POU6F2: variants seen among roughly 807,000 people sequenced by gnomAD.
POU6F2 encodes POU class 6 homeobox 2, also known as POU domain, class 6, transcription factor 2.
Under a neutral mutation model 71.3 loss-of-function variants are expected in POU6F2, and 31 were observed. The ratio of observed to expected loss-of-function variants is 0.43; its 90% CI spans 0.33 to 0.59. The LOEUF (loss-of-function observed/expected upper bound fraction) is 0.59. Ranked by LOEUF, POU6F2 falls within the 20% of genes least tolerant of loss-of-function variation. POU6F2 has a pLI of 0.04. For synonymous variants in POU6F2, 347 were observed against 355.7 expected, an observed-to-expected ratio of 0.98 and a Z score of 0.27; for missense variants, 783 against 856.8, an observed-to-expected ratio of 0.91 and a Z score of 1.07.
intron 4 of POU6F2, among the ~76,000 whole-genome samples, chr7:39,337,043 G>A (rs141615690): frequency 1.7e-3 from 253 of 152,236 alleles, no homozygotes; most frequent in African/African-American, 5.7e-3. Flanking sequence ...ATGTGGCTCC[G>A]TTTATGTGTA....
chr7:39,414,420 T>C (rs967872896), intron 6 of POU6F2, among the ~76,000 whole-genome samples: 4 of 152,076 alleles, frequency 2.6e-5, no homozygotes, highest in African/African-American at 9.7e-5. Flanking sequence ...CTGAAGGGGC[T>C]CTCCTGCAGT....
At chr7:39,009,613 G>C (rs1789202515) in intron 1 of POU6F2, among the ~76,000 whole-genome samples, 2 of 152,168 alleles carry the variant, frequency 1.3e-5, no homozygotes, top group Non-Finnish European at 2.9e-5. Context: ...TTTTCAAAGG[G>C]AATGCTTCCA....
At chr7:39,291,834 C>A (rs961448618) in intron 4 of POU6F2, among the ~76,000 whole-genome samples, 1 of 152,052 alleles carries the variant, frequency 6.6e-6, no homozygotes, top group African/African-American at 2.4e-5. Context: ...GACGAATGAG[C>A]GGAGTTTGAC....
intron 7 of POU6F2, among the ~76,000 whole-genome samples, chr7:39,434,246 G>A (rs900221499): frequency 1.3e-5 from 2 of 152,142 alleles, no homozygotes; most frequent in East Asian, 3.9e-4. Context: ...AGGATGGGGT[G>A]TTGAGAAACA....
At chr7:39,054,419 C>G (rs1790464934) in intron 1 of POU6F2, among the ~76,000 whole-genome samples, 1 of 152,058 alleles carries the variant, frequency 6.6e-6, no homozygotes, top group African/African-American at 2.4e-5. Context: ...CTCAAACCTC[C>G]CATACTAGGG....
intron 5 of POU6F2, among the ~76,000 whole-genome samples, chr7:39,380,796 A>G (rs1449214115): frequency 6.6e-6 from 1 of 152,094 alleles, no homozygotes; most frequent in East Asian, 1.9e-4. Context: ...ATATTTAGTA[A>G]TGACTTCGCT....
At chr7:39,044,811 A>G (rs1261196745) in intron 1 of POU6F2, among the ~76,000 whole-genome samples, 2 of 151,902 alleles carry the variant, frequency 1.3e-5, no homozygotes, top group African/African-American at 4.8e-5. Context: ...ATTTTTCCAT[A>G]TGATGTTTTA....
chr7:39,462,912 A>G (rs1458825450), intron 9 of POU6F2, among the ~76,000 whole-genome samples: 1 of 152,236 alleles, frequency 6.6e-6, no homozygotes, highest in African/African-American at 2.4e-5. Context: ...CAAAAATAAG[A>G]TTGTGGCACA....
intron 6 of POU6F2, among the ~76,000 whole-genome samples, chr7:39,428,991 C>T (rs1201024969): frequency 6.7e-6 from 1 of 149,316 alleles, no homozygotes; most frequent in African/African-American, 2.5e-5. Context: ...GGAGGGATAG[C>T]ATTAGGAGAT....
intron 1 of POU6F2, among the ~76,000 whole-genome samples, chr7:39,002,778 G>A (rs1371026042): frequency 1.3e-5 from 2 of 152,228 alleles, no homozygotes; most frequent in African/African-American, 2.4e-5. Context: ...CCCCTCCGGG[G>A]AATTTTTGAA....
At chr7:39,230,000 A>G (rs373684475) in intron 4 of POU6F2, among the ~76,000 whole-genome samples, 2 of 152,278 alleles carry the variant, frequency 1.3e-5, no homozygotes, top group South Asian at 4.1e-4. Context: ...GTGGTAGTCA[A>G]CCAAGGCACA....
chr7:39,297,196 T>TACAC (rs61192418), intron 4 of POU6F2, among the ~76,000 whole-genome samples: 15,328 of 138,938 alleles, frequency 0.11, 870 homozygotes, highest in East Asian at 0.16. Context: ...CACATACACA[T>TACAC]ACACACACAC....
chr7:39,286,323 G>A (rs1342277298), intron 4 of POU6F2, among the ~76,000 whole-genome samples: 1 of 152,106 alleles, frequency 6.6e-6, no homozygotes, highest in Non-Finnish European at 1.5e-5. Context: ...TTTACAAGGA[G>A]GAAACATCCT....
chr7:39,251,889 C>T (rs1320362293), intron 4 of POU6F2, among the ~76,000 whole-genome samples: 1 of 152,100 alleles, frequency 6.6e-6, no homozygotes, highest in Admixed American at 6.6e-5. Context: ...CCTTACAATC[C>T]CTACCCTGAA....
At chr7:39,382,043 A>AAATAATAATAATAATAATAATAAT (rs3839694) in intron 5 of POU6F2, among the ~76,000 whole-genome samples, 1 of 150,306 alleles carries the variant, frequency 6.7e-6, no homozygotes, top group Non-Finnish European at 1.5e-5. Context: ...ACACACAAGC[A>AAATAATAATAATAATAATAATAAT]AATAATAATA....
chr7:39,454,192 A>G (rs1296052138), intron 8 of POU6F2, among the ~76,000 whole-genome samples: 1 of 152,166 alleles, frequency 6.6e-6, no homozygotes, highest in Non-Finnish European at 1.5e-5. Flanking sequence ...AAGGTCTGGA[A>G]GGATTCCAAA....
intron 1 of POU6F2, among the ~76,000 whole-genome samples, chr7:39,059,274 G>A (rs1584521825): frequency 1.3e-5 from 2 of 152,128 alleles, no homozygotes. Context: ...AAGTAATGTT[G>A]AGATCTTTTA....
At chr7:39,018,100 T>C (rs1789602438) in intron 1 of POU6F2, among the ~76,000 whole-genome samples, 1 of 152,148 alleles carries the variant, frequency 6.6e-6, no homozygotes, top group African/African-American at 2.4e-5. Context: ...ATATAGAATT[T>C]GTCTGAACTC....
intron 5 of POU6F2, among the ~76,000 whole-genome samples, chr7:39,403,191 CA>C (rs1787343904): frequency 6.6e-6 from 1 of 152,110 alleles, no homozygotes; most frequent in Non-Finnish European, 1.5e-5. Context: ...AAAACTACTT[CA>C]AAAAATTATT....
Sources: gnomAD v4.1 joint callset for allele counts (sites outside exome capture counted in the v4.1 genomes callset) on GRCh38, gnomAD v4.1.1 for gene constraint, MANE v1.5 for transcripts, NCBI Gene and HGNC (gene_info 2026-07-23, HGNC 2026-07-21) for gene names.